Variants in SPIDR observed in about 807,000 individuals in gnomAD.
SPIDR encodes DNA repair-scaffolding protein.
Under a neutral mutation model 104.6 loss-of-function variants are expected in SPIDR, and 93 were observed. The ratio of observed to expected loss-of-function variants is 0.89; its 90% CI spans 0.75 to 1.06. SPIDR has a LOEUF of 1.06. Among genes scored for constraint, SPIDR ranks in the 50% least tolerant of loss-of-function variants. The pLI is 0.00. For missense variants in SPIDR, 1,154 were observed against 1,111.2 expected (o/e 1.04, Z -0.55); for synonymous variants, 431 against 416.9 (o/e 1.03, Z -0.41).
Position 47,428,900 on chromosome 8 carries a change from C to T in SPIDR, c.878-11423C>T, listed in dbSNP as rs1225065815. ...TGACTCTGGATTATCTCCAGCTTCC[C>T]TCTGACCAATAAAACCACAAAGCCA... is the stretch of plus-strand genomic sequence containing the variant. On this transcript the variant is annotated intron_variant, in intron 7 of 19. Transcript: ENST00000297423. Among the ~76,000 whole-genome samples the T allele has an allele frequency of 2.0e-5, 3 of 152,320 alleles. No homozygotes were observed. In the South Asian group the frequency reaches 6.2e-4, roughly 32 times the overall value.
chr8:47,660,491 A>T (rs1410658604), intron 10 of SPIDR: 16 of 985,252 alleles, frequency 1.6e-5, no homozygotes, highest in Non-Finnish European at 1.8e-5. Context: ...AGTCCTGCGG[A>T]ATGGCAGCTG....
At chr8:47,562,832 A>G (rs2057248764) in intron 8 of SPIDR, among the ~76,000 whole-genome samples, 1 of 152,146 alleles carries the variant, frequency 6.6e-6, no homozygotes, top group Admixed American at 6.5e-5. Flanking sequence ...ATCCCCGCCA[A>G]ACTTCACCCC....
At chr8:47,385,399 C>CA (rs1160580201) in intron 5 of SPIDR, among the ~76,000 whole-genome samples, 1 of 152,102 alleles carries the variant, frequency 6.6e-6, no homozygotes, top group Non-Finnish European at 1.5e-5. Flanking sequence ...TGGATGATTC[C>CA]AGTTTTTTGG....
At chr8:47,462,415 T>A (rs1245908185) in intron 8 of SPIDR, among the ~76,000 whole-genome samples, 1 of 152,182 alleles carries the variant, frequency 6.6e-6, no homozygotes, top group East Asian at 1.9e-4. Context: ...CCAAAGTTCA[T>A]GATGCGAGTC....
intron 5 of SPIDR, among the ~76,000 whole-genome samples, chr8:47,316,618 T>A (rs1214743918): frequency 2.6e-5 from 4 of 152,308 alleles, no homozygotes; most frequent in African/African-American, 9.6e-5. Flanking sequence ...ACATTCTGTA[T>A]TCCATTTACA....
chr8:47,418,284 C>A (rs2064746903), intron 7 of SPIDR, among the ~76,000 whole-genome samples: 1 of 152,114 alleles, frequency 6.6e-6, no homozygotes. Flanking sequence ...TTGTTTGTAT[C>A]CTCTTTTATT....
intron 7 of SPIDR, among the ~76,000 whole-genome samples, chr8:47,439,056 ATTTT>A (rs1215221928): frequency 2.0e-5 from 3 of 152,134 alleles, no homozygotes; most frequent in East Asian, 1.9e-4. Flanking sequence ...CAGTTTATGT[ATTTT>A]TTTATTTTTT....
In SPIDR at chr8:47,595,990, A is replaced by T. The variant is rs750012896; in HGVS notation, c.1277A>T (p.Asn426Ile). ...TTTGTAATTAAGGGTCTAACAAATA[A>T]TTCACCTGAAATCCAGGTAAACTCC... ...QMFVIKGLTN[N>I]SPEIQVVCSG... is the part of the protein sequence containing the mutation. Residue 426 changes from asparagine to isoleucine, a missense_variant, in exon 9 of 20, where the codon AAT becomes ATT. By Grantham distance (149) the Asn-to-Ile change is moderately radical. Transcript: ENST00000297423. 6.8e-6 allele frequency: 11 copies of T among 1,611,154 alleles called. No homozygotes were observed. The South Asian group carries it at 1.1e-4, about 16-fold the overall frequency.
At chr8:47,406,708 T>C (rs934204678) in intron 6 of SPIDR, among the ~76,000 whole-genome samples, 1 of 152,222 alleles carries the variant, frequency 6.6e-6, no homozygotes, top group Admixed American at 6.5e-5. Flanking sequence ...CAAAAACAGT[T>C]ACACCAATCA....
intron 16 of SPIDR, among the ~76,000 whole-genome samples, chr8:47,722,813 G>A (rs1048611643): frequency 2.0e-5 from 3 of 151,240 alleles, no homozygotes; most frequent in African/African-American, 7.3e-5. Flanking sequence ...GGGTCTTGCT[G>A]TATTGTCCAG....
intron 10 of SPIDR, among the ~76,000 whole-genome samples, chr8:47,621,472 C>A (rs1257789214): frequency 6.6e-6 from 1 of 152,194 alleles, no homozygotes; most frequent in Non-Finnish European, 1.5e-5. Context: ...TCTTCATCCT[C>A]TCATCTCTGT....
chr8:47,730,459 C>T (rs1183410721), intron 19 of SPIDR, among the ~76,000 whole-genome samples: 2 of 152,214 alleles, frequency 1.3e-5, no homozygotes, highest in Admixed American at 1.3e-4. Flanking sequence ...GGCTCCACAA[C>T]CAGGGAGCTG....
intron 10 of SPIDR, among the ~76,000 whole-genome samples, chr8:47,603,683 C>G (rs2062588560): frequency 1.3e-5 from 2 of 152,084 alleles, no homozygotes; most frequent in Non-Finnish European, 2.9e-5. Flanking sequence ...CAGGCGTGAG[C>G]CACCATACCC....
At chr8:47,534,708 A>G (rs1353661223) in intron 8 of SPIDR, among the ~76,000 whole-genome samples, 1 of 152,172 alleles carries the variant, frequency 6.6e-6, no homozygotes, top group Non-Finnish European at 1.5e-5. Flanking sequence ...TGGTGAAATA[A>G]TACATACAAA....
At chr8:47,620,768 T>A (rs1259066701) in intron 10 of SPIDR, among the ~76,000 whole-genome samples, 6 of 132,588 alleles carry the variant, frequency 4.5e-5, no homozygotes, top group African/African-American at 1.7e-4. Context: ...CAGGCACACA[T>A]CACCACGCCC....
At chr8:47,574,111 T>C (rs2058819524) in intron 8 of SPIDR, among the ~76,000 whole-genome samples, 1 of 152,216 alleles carries the variant, frequency 6.6e-6, no homozygotes, top group Admixed American at 6.5e-5. Flanking sequence ...ATAATTAAAG[T>C]TGGGCTTTAT....
intron 5 of SPIDR, among the ~76,000 whole-genome samples, chr8:47,313,777 A>G (rs782377795): frequency 1.3e-4 from 20 of 152,234 alleles, no homozygotes; most frequent in Non-Finnish European, 2.5e-4. Flanking sequence ...CAACCATCTG[A>G]TCTTTGACAG....
chr8:47,616,758 T>C (rs2064374420), intron 10 of SPIDR, among the ~76,000 whole-genome samples: 1 of 152,234 alleles, frequency 6.6e-6, no homozygotes, highest in Non-Finnish European at 1.5e-5. Context: ...TTTCCCCTGT[T>C]GTTACATCTT....
chr8:47,689,347 A>G (rs1173997421), intron 11 of SPIDR, among the ~76,000 whole-genome samples: 2 of 152,246 alleles, frequency 1.3e-5, no homozygotes, highest in Non-Finnish European at 2.9e-5. Context: ...TTCAGGTAAA[A>G]TGAGATTAAC....
Sources: gnomAD v4.1 joint callset for allele counts (sites outside exome capture counted in the v4.1 genomes callset) on GRCh38, gnomAD v4.1.1 for gene constraint, MANE v1.5 for transcripts, NCBI Gene and HGNC (gene_info 2026-07-23, HGNC 2026-07-21) for gene names.